The following PDPN variants were observed in gnomAD, a reference collection of about 807,000 sequenced individuals.
The protein encoded by PDPN is podoplanin.
Under a neutral mutation model 23.2 loss-of-function variants are expected in PDPN, and 12 were observed. The ratio of observed to expected loss-of-function variants is 0.52; its 90% CI spans 0.33 to 0.84. The LOEUF (loss-of-function observed/expected upper bound fraction) is 0.84, where lower values mean the gene tolerates loss of function less well. PDPN is among the 40% of genes least tolerant of loss of function. The pLI is 0.02. For synonymous variants in PDPN, 77 were observed against 76.7 expected, an observed-to-expected ratio of 1.00 and a Z score of -0.02; for missense variants, 199 against 212.2, an observed-to-expected ratio of 0.94 and a Z score of 0.39.
chr1:13,585,410 A>T (rs1640149757), intron 1 of PDPN: 1 of 1,083,962 alleles, frequency 9.2e-7, no homozygotes, highest in African/African-American at 1.6e-5. Context: ...TATCTTTGGA[A>T]CTTCTCTTTC....
chr1:13,608,405 T>C (rs1640848006), intron 2 of PDPN, among the ~76,000 whole-genome samples: 1 of 152,228 alleles, frequency 6.6e-6, no homozygotes, highest in Admixed American at 6.5e-5. Context: ...TGCCTGCCTA[T>C]CTGACCTGTA....
chr1:13,610,077 A>T (rs141820122), intron 2 of PDPN, among the ~76,000 whole-genome samples: 12 of 152,296 alleles, frequency 7.9e-5, no homozygotes, highest in African/African-American at 2.9e-4. Flanking sequence ...AAAAATAAAA[A>T]CAAAAAATAA....
rs1408591959 is a variant in PDPN, at chr1:13,611,260, AAAC to A, written c.331+747_331+749del. On this transcript the variant is annotated intron_variant, in intron 3 of 5. Coordinates refer to ENST00000621990, the MANE Select transcript of PDPN (RefSeq NM_006474.5). The stretch of plus-strand genomic sequence containing the variant: ...AACAAAAAAACAAACAAACAAACAA[AAAC>A]AAGCTTTTTTTTTGTACCCCCATGT... Among the ~76,000 whole-genome samples, 105 of 151,588 alleles carry A rather than the reference AAAC, an allele frequency of 6.9e-4. 1 individual carries two copies. In the Middle Eastern group the frequency reaches 0.021, roughly 30 times the overall value.
chr1:13,597,269 G>A (rs527490891), intron 1 of PDPN, among the ~76,000 whole-genome samples: 5 of 152,146 alleles, frequency 3.3e-5, no homozygotes, highest in Middle Eastern at 3.4e-3. Flanking sequence ...ACACCATTTC[G>A]TCATCCATCT....
chr1:13,590,690 G>A (rs1169526068), intron 1 of PDPN, among the ~76,000 whole-genome samples: 2 of 152,130 alleles, frequency 1.3e-5, no homozygotes, highest in Non-Finnish European at 2.9e-5. Context: ...GTTGGGCAAT[G>A]GCAGGAAACT....
At chr1:13,597,977 A>G (rs1640541124) in intron 1 of PDPN, among the ~76,000 whole-genome samples, 1 of 152,040 alleles carries the variant, frequency 6.6e-6, no homozygotes. Flanking sequence ...CCTGTCTCAA[A>G]AAAAGGATTC....
intron 1 of PDPN, among the ~76,000 whole-genome samples, chr1:13,604,902 A>G (rs1640743638): frequency 6.6e-6 from 1 of 152,298 alleles, no homozygotes; most frequent in South Asian, 2.1e-4. Flanking sequence ...CTACTCCAGC[A>G]AAAGGCCACA....
chr1:13,598,453 G>A (rs1052504431), intron 1 of PDPN, among the ~76,000 whole-genome samples: 1 of 152,114 alleles, frequency 6.6e-6, no homozygotes, highest in Non-Finnish European at 1.5e-5. Context: ...TTAGATAACA[G>A]AAAGAATCTA....
chr1:13,616,941 G>T lies in PDPN; in HGVS notation c.*1030G>T, dbSNP rs1446252196. ...TATAACATTCACTTTCTGCCTCTGA[G>T]GAAAGATACAGGGAACAAAAATCAA... On this transcript the variant is annotated 3_prime_UTR_variant, in exon 6 of 6. Coordinates refer to ENST00000621990, the MANE Select transcript of PDPN (RefSeq NM_006474.5). 3 of 152,262 alleles carry T rather than the reference G, an allele frequency of 2.0e-5. No homozygotes were observed. The highest frequency in any genetic ancestry group is 2.1e-4 in the South Asian group (1 of 4,822). The allele number at this position is 152,262 out of a possible 1,614,324, so 9.4% of individuals were successfully genotyped here.
rs191814944 is a variant in PDPN at position 13,608,171 on chromosome 1, A to G, written c.201+865A>G. Among the ~76,000 whole-genome samples, 4 of 152,298 alleles carry G rather than the reference A, an allele frequency of 2.6e-5. No homozygotes were observed. In the East Asian group the frequency reaches 7.7e-4, roughly 29 times the overall value. On this transcript the variant is annotated intron_variant, in intron 2 of 5. Coordinates refer to ENST00000621990, the MANE Select transcript of PDPN (RefSeq NM_006474.5). ...TTTTCTCACTATAGACTGGTAATAA[A>G]CAGGACTAGAATCAGTCCACAGACC...
intron 1 of PDPN, among the ~76,000 whole-genome samples, chr1:13,598,010 T>C (rs895725151): frequency 6.6e-6 from 1 of 151,766 alleles, no homozygotes; most frequent in Non-Finnish European, 1.5e-5. Context: ...ATTTCTTTTC[T>C]TTTTTTTCTT....
intron 1 of PDPN, among the ~76,000 whole-genome samples, chr1:13,604,033 C>T (rs2100256954): frequency 6.6e-6 from 1 of 152,338 alleles, no homozygotes; most frequent in East Asian, 1.9e-4. Flanking sequence ...CACGCTGGTA[C>T]ACCACTCCAG....
rs756094131 is a variant in PDPN at position 13,610,364 on chromosome 1, T to C, written c.202-23T>C. On this transcript the variant is annotated intron_variant, in intron 2 of 5. Coordinates refer to ENST00000621990, the MANE Select transcript of PDPN (RefSeq NM_006474.5). The stretch of plus-strand genomic sequence containing the variant: ...AGACAGTAGGCTTTATTTCCTGTTT[T>C]TCCTCATTTACACCTACAATAGGTG... 4 of 1,604,976 alleles carry C rather than the reference T, an allele frequency of 2.5e-6. No homozygotes were observed. The African/African-American group carries it at 5.4e-5, about 22-fold the overall frequency.
rs529372840 is a variant in PDPN, at chr1:13,583,862, G to T, written c.-172G>T. The T allele has an allele frequency of 1.2e-6, 2 of 1,604,250 alleles. No homozygotes were observed. Among genetic ancestry groups the T allele is most frequent in the Non-Finnish European group, 1.7e-6 (2 of 1,175,120 alleles). On this transcript the variant is annotated 5_prime_UTR_variant, in exon 1 of 6. Transcript: ENST00000621990. ...CAAAGTTTGCTGTCCGGCTGCCTAG[G>T]GTCTGGGAAGCTCGGGCACCCTCCC...
At chr1:13,601,794 A>G (rs924660326) in intron 1 of PDPN, among the ~76,000 whole-genome samples, 2 of 152,266 alleles carry the variant, frequency 1.3e-5, no homozygotes, top group African/African-American at 2.4e-5. Flanking sequence ...ATACTTCAAA[A>G]TAAACAGACA....
chr1:13,600,368 A>C (rs1640611834), intron 1 of PDPN, among the ~76,000 whole-genome samples: 2 of 142,804 alleles, frequency 1.4e-5, no homozygotes, highest in African/African-American at 2.7e-5. Context: ...ACATCACTTA[A>C]CTCTTTTTTT....
At chr1:13,592,394 C>T (rs1640369798) in intron 1 of PDPN, among the ~76,000 whole-genome samples, 1 of 151,400 alleles carries the variant, frequency 6.6e-6, no homozygotes, top group Non-Finnish European at 1.5e-5. Flanking sequence ...TCCAAGCTTA[C>T]AGCGATTTAC....
At chr1:13,583,820 C>T (rs151117818), upstream of PDPN, 2 of 1,550,970 alleles carry the variant, frequency 1.3e-6, no homozygotes, top group Non-Finnish European at 1.7e-6. Flanking sequence ...TGACTCCGCT[C>T]GGAAAGTTCT....
chr1:13,584,106 A>T lies in PDPN; in HGVS notation c.67+6A>T. 1 of 1,612,720 alleles carries T rather than the reference A, an allele frequency of 6.2e-7. No homozygotes were observed. The highest frequency in any genetic ancestry group is 8.5e-7 in the Non-Finnish European group (1 of 1,179,860). On this transcript the variant is annotated splice_donor_region_variant and intron_variant, in intron 1 of 5. Coordinates refer to ENST00000621990, the MANE Select transcript of PDPN (RefSeq NM_006474.5). ...CTGGGTCCTGGCAGAAGGAGGTAAG[A>T]CCCAGCGCAAGTGGCTTCCTGCCGT...
Sources: gnomAD v4.1 joint callset for allele counts (sites outside exome capture counted in the v4.1 genomes callset) on GRCh38, gnomAD v4.1.1 for gene constraint, MANE v1.5 for transcripts, NCBI Gene and HGNC (gene_info 2026-07-23, HGNC 2026-07-21) for gene names.